The following MAP2K2 variants were observed in gnomAD, a reference collection of about 807,000 sequenced individuals.
The protein encoded by MAP2K2 is mitogen-activated protein kinase kinase 2, also known as dual specificity mitogen-activated protein kinase kinase 2.
In MAP2K2, 24 loss-of-function variants were observed where a neutral mutation model predicts 43.7. The ratio of observed to expected loss-of-function variants is 0.55; its 90% CI spans 0.40 to 0.77. The LOEUF is 0.77. Ranked by LOEUF, MAP2K2 falls within the 30% of genes least tolerant of loss-of-function variation. The pLI, the probability that MAP2K2 is intolerant of heterozygous loss-of-function variation, is 0.00. For missense variants in MAP2K2, 470 were observed against 566.8 expected, an observed-to-expected ratio of 0.83 and a Z score of 1.73; for synonymous variants, 244 against 239.7, an observed-to-expected ratio of 1.02 and a Z score of -0.17.
intron 3 of MAP2K2, among the ~76,000 whole-genome samples, chr19:4,103,664 C>G (rs35484185): frequency 0.013 from 2,041 of 152,320 alleles, 19 homozygotes; most frequent in Middle Eastern, 0.041. Flanking sequence ...GGGAGAAATC[C>G]TGGGACTCAG....
chr19:4,093,154 G>A (rs548005131), intron 10 of MAP2K2, among the ~76,000 whole-genome samples: 2 of 151,968 alleles, frequency 1.3e-5, no homozygotes, highest in African/African-American at 4.8e-5. Context: ...GGAGGCGGAG[G>A]TTGCAGTGAG....
rs144265099 is a variant in MAP2K2, at chr19:4,102,230, A to AG, written c.528+145dup. The AG allele has an allele frequency of 3.7e-3, 2,639 of 712,990 alleles. 11 individuals are homozygous for AG. The highest frequency in any genetic ancestry group is 5.5e-3 in the Non-Finnish European group (2,207 of 401,566). 44.2% of individuals were successfully genotyped at this position (712,990 alleles called of 1,614,324 possible). ...ACGTCACTTGTTCAAGCTCCACAGC[A>AG]GGTGGGCACAGCCTTGGCCACTCTC... On this transcript the variant is annotated intron_variant, in intron 4 of 10. Coordinates refer to ENST00000262948, the MANE Select transcript of MAP2K2 (RefSeq NM_030662.4).
At chr19:4,123,001 C>T (rs1477090661) in intron 1 of MAP2K2, among the ~76,000 whole-genome samples, 1 of 148,996 alleles carries the variant, frequency 6.7e-6, no homozygotes, top group Admixed American at 6.7e-5. Context: ...GGCTGCCTGA[C>T]CTCCCCACAC....
Position 4,110,435 on chromosome 19 carries a change from G to A in MAP2K2, c.450+74C>T, listed in dbSNP as rs180916817. ...TTGCCTCTGAGGAAAGGGGCCGTGA[G>A]GGGGTCTTCCTTCTCCCCAACATGC... On this transcript the variant is annotated intron_variant, in intron 3 of 10. Transcript: ENST00000262948. 1.0e-4 allele frequency: 163 copies of A among 1,581,774 alleles called. No homozygotes were observed. In the Middle Eastern group the frequency reaches 1.2e-3, roughly 12 times the overall value.
Position 4,102,442 on chromosome 19 carries a change from G to C in MAP2K2, c.462C>G (p.Ser154=), listed in dbSNP as rs374941024. 2 of 1,603,900 alleles carry C rather than the reference G, an allele frequency of 1.2e-6. No individual in the cohort carries two copies. Among genetic ancestry groups the C allele is most frequent in the African/African-American group, 2.7e-5 (2 of 74,870 alleles). The change falls in exon 4 of 11, where the codon TCC becomes TCG. Residue 154 remains serine (S), a synonymous_variant. Coordinates refer to ENST00000262948, the MANE Select transcript of MAP2K2 (RefSeq NM_030662.4). ...SICMEHMDGG[S]LDQVLKEAKR... is the part of the protein sequence containing the mutation. ...TGGCCTCTTTCAGCACCTGGTCCAG[G>C]GAGCCGCCGTCCTAGAGGGCACACA...
chr19:4,109,198 G>A (rs1333347419), intron 3 of MAP2K2, among the ~76,000 whole-genome samples: 1 of 152,174 alleles, frequency 6.6e-6, no homozygotes, highest in African/African-American at 2.4e-5. Context: ...GGGGTCGGCA[G>A]CATTTCCTCC....
intron 9 of MAP2K2, chr19:4,095,067 G>A (rs1421251978): frequency 1.9e-5 from 7 of 378,314 alleles, no homozygotes; most frequent in African/African-American, 1.0e-4. Flanking sequence ...ATCCCGGGGA[G>A]CCCACAGTCA....
Position 4,110,501 on chromosome 19 carries a change from G to C in MAP2K2, c.450+8C>G, listed in dbSNP as rs750032817. ...CCCTGCCCCTGCCCCTGCCCCGGAC[G>C]CACTCACCATGTGTTCCATGCAAAT... On this transcript the variant is annotated splice_region_variant and intron_variant, in intron 3 of 10. Transcript: ENST00000262948. 6.2e-7 allele frequency: 1 copy of C among 1,612,778 alleles called. No homozygotes were observed. Among genetic ancestry groups the C allele is most frequent in the Non-Finnish European group, 8.5e-7 (1 of 1,179,950 alleles).
intron 6 of MAP2K2, chr19:4,099,976 A>G (rs138704332): frequency 5.7e-4 from 95 of 166,648 alleles, no homozygotes; most frequent in East Asian, 2.0e-3. Flanking sequence ...GCTGCCGGGC[A>G]CGGTGGCTCA....
chr19:4,094,783 C>T (rs2040892346), intron 9 of MAP2K2: 4 of 510,350 alleles, frequency 7.8e-6, no homozygotes, highest in African/African-American at 1.9e-5. Flanking sequence ...GGACGCAACC[C>T]CAGCTAACTG....
chr19:4,094,614 C>A, intron 9 of MAP2K2, 116 bp from the exon 10 acceptor site: 1 of 971,986 alleles, frequency 1.0e-6, no homozygotes, highest in African/African-American at 1.6e-5. Context: ...CTGGATCTCT[C>A]CGACCAGAGA....
At chr19:4,116,006 G>C (rs1426862734) in intron 2 of MAP2K2, among the ~76,000 whole-genome samples, 1 of 152,208 alleles carries the variant, frequency 6.6e-6, no homozygotes, top group Non-Finnish European at 1.5e-5. Flanking sequence ...GGATGACTAA[G>C]CACGGGGGCC....
chr19:4,099,207 C>T lies in MAP2K2; in HGVS notation c.913G>A (p.Val305Ile), dbSNP rs730880509. The stretch of plus-strand genomic sequence containing the variant: ...TTGCAGATTCAGGCCGTACCGCTGA[C>T]GGGGCGCCCGGGGGGCCTCGGCCGA... ...SPRPRPPGRP[V>I]SGHGMDSRPA... Residue 305 changes from valine (V) to isoleucine (I), a missense_variant, in exon 7 of 11, where the codon GTC becomes ATC. Coordinates refer to ENST00000262948, the MANE Select transcript of MAP2K2 (RefSeq NM_030662.4). 2.2e-5 allele frequency: 36 copies of T among 1,601,666 alleles called. No homozygotes were observed. Among genetic ancestry groups the T allele is most frequent in the Middle Eastern group, 1.7e-4 (1 of 5,894 alleles).
chr19:4,121,163 G>A (rs2041287648), intron 1 of MAP2K2, among the ~76,000 whole-genome samples: 1 of 151,072 alleles, frequency 6.6e-6, no homozygotes, highest in Non-Finnish European at 1.5e-5. Context: ...CCTCGTCCTG[G>A]AGCAGTGCGA....
chr19:4,113,535 C>T (rs192161557), intron 2 of MAP2K2, among the ~76,000 whole-genome samples: 2 of 152,218 alleles, frequency 1.3e-5, no homozygotes, highest in East Asian at 1.9e-4. Flanking sequence ...AGCTCAGGTT[C>T]GGAGCCTCGG....
intron 7 of MAP2K2, among the ~76,000 whole-genome samples, chr19:4,098,814 G>A (rs1394076052): frequency 6.6e-6 from 1 of 152,272 alleles, no homozygotes; most frequent in Non-Finnish European, 1.5e-5. Context: ...GGCTTGGCCC[G>A]CAGCACAGGA....
chr19:4,102,938 G>A, intron 3 of MAP2K2: 2 of 1,118,646 alleles, frequency 1.8e-6, no homozygotes, highest in Non-Finnish European at 2.2e-6. Flanking sequence ...AGACGCGGGT[G>A]CTGCCCCGCG....
At chr19:4,095,194 G>A in intron 9 of MAP2K2, 194 bp downstream of exon 9, 1 of 587,732 alleles carries the variant, frequency 1.7e-6, no homozygotes, top group Non-Finnish European at 3.1e-6. Context: ...TCACGGACAG[G>A]ATGGCATGGC....
chr19:4,093,587 A>T (rs1187184501), intron 10 of MAP2K2, among the ~76,000 whole-genome samples: 1 of 151,850 alleles, frequency 6.6e-6, no homozygotes, highest in Admixed American at 6.6e-5. Context: ...GCTACCTGGG[A>T]GGCTGACTGG....
Sources: allele counts gnomAD v4.1 joint callset (sites outside exome capture counted in the v4.1 genomes callset), GRCh38; gene constraint gnomAD v4.1.1; transcripts MANE v1.5; gene names NCBI Gene and HGNC (gene_info 2026-07-23, HGNC 2026-07-21).